The following PCNA variants were observed in gnomAD, a reference collection of about 807,000 sequenced individuals.
PCNA encodes proliferating cell nuclear antigen.
Under a neutral mutation model 27.8 loss-of-function variants are expected in PCNA, and 4 were observed. That is an observed-to-expected ratio of 0.14 (90% CI 0.07 to 0.33). The LOEUF (loss-of-function observed/expected upper bound fraction) is 0.33. Among genes scored for constraint, PCNA ranks in the 10% least tolerant of loss-of-function variants. PCNA has a pLI of 1.00. For synonymous variants in PCNA, 121 were observed against 119.4 expected, an observed-to-expected ratio of 1.01 and a Z score of -0.09; for missense variants, 165 against 327.4, an observed-to-expected ratio of 0.50 and a Z score of 3.83.
At position 5,119,788 on chromosome 20, in the gene PCNA, G is replaced by T; in HGVS notation, c.11C>A (p.Ala4Glu). 6.4e-7 allele frequency: 1 copy of T among 1,567,744 alleles called. No homozygotes were observed. The highest frequency in any genetic ancestry group is 2.3e-5 in the East Asian group (1 of 42,602). MFE[A>E]RLVQGSILKK... ...GAGGATGGAGCCCTGGACCAGGCGC[G>T]CCTCGAACATGGTGGCGGAGTGGCA... is the stretch of plus-strand genomic sequence containing the variant. Residue 4 changes from alanine (A) to glutamate (E), a missense_variant, in exon 1 of 6, where the codon GCG becomes GAG. Coordinates refer to ENST00000379143, the MANE Select transcript of PCNA (RefSeq NM_182649.2).
rs1254543206 is a variant in PCNA at position 5,115,574 on chromosome 20, TACAAA to T, written c.583-7_583-3del. 1.9e-6 allele frequency: 3 copies of T among 1,610,910 alleles called. No homozygotes were observed. The highest frequency in any genetic ancestry group is 2.7e-5 in the African/African-American group (2 of 74,886). On this transcript the variant is annotated splice_polypyrimidine_tract_variant and splice_region_variant and intron_variant, in intron 4 of 5. Transcript: ENST00000379143. ...TGGTTCATTCATCTCTATGGTAACC[TACAAA>T]ACAAAAGATTCATCATTGAAAAACA...
intron 3 of PCNA, among the ~76,000 whole-genome samples, chr20:5,118,242 T>C (rs985399652): frequency 8.5e-5 from 13 of 152,216 alleles, no homozygotes; most frequent in African/African-American, 3.1e-4. Context: ...CCAGTAGATA[T>C]ATTTCTAGAA....
chr20:5,122,059 G>A (rs898310644), upstream of PCNA, among the ~76,000 whole-genome samples: 1 of 148,256 alleles, frequency 6.7e-6, no homozygotes, highest in East Asian at 2.0e-4. Flanking sequence ...TTGGCTAACC[G>A]CAATCTCCGC....
intron 1 of PCNA, among the ~76,000 whole-genome samples, chr20:5,125,535 G>A (rs763767751): frequency 2.1e-4 from 32 of 152,038 alleles, no homozygotes; most frequent in Non-Finnish European, 3.4e-4. Context: ...TTTAAAAAAC[G>A]AAATTGCAAT....
chr20:5,122,274 G>A (rs1427235349), upstream of PCNA, among the ~76,000 whole-genome samples: 2 of 152,122 alleles, frequency 1.3e-5, no homozygotes, highest in Admixed American at 6.5e-5. Flanking sequence ...GAGCCACCGC[G>A]CCCGGGTCTA....
intron 2 of PCNA, 38 bp from the exon 3 acceptor site, chr20:5,118,715 C>G: frequency 6.2e-7 from 1 of 1,607,900 alleles, no homozygotes. Context: ...GAAATACTGA[C>G]ACAGAGTTTT....
At chr20:5,122,808 T>C (rs900624433), upstream of PCNA, among the ~76,000 whole-genome samples, 2 of 152,260 alleles carry the variant, frequency 1.3e-5, no homozygotes, top group Non-Finnish European at 1.5e-5. Context: ...CCAAATTACA[T>C]GTAATAGATT....
At chr20:5,116,677 G>A (rs3730433) in intron 4 of PCNA, among the ~76,000 whole-genome samples, 10,036 of 152,148 alleles carry the variant, frequency 0.066, 445 homozygotes, top group South Asian at 0.14. Flanking sequence ...GTTTAAGATG[G>A]AATCTTGCTC....
rs570933681 is a variant in PCNA, at chr20:5,118,727, A to AT, written c.319+41dup. 4.8e-5 allele frequency: 77 copies of AT among 1,608,458 alleles called. 1 individual carries two copies. The East Asian group carries it at 1.5e-3, about 32-fold the overall frequency. ...TGAGAAATACTGACACAGAGTTTTG[A>AT]TTTTCTGTAGCTTCGTGACTCGGTA... On this transcript the variant is annotated intron_variant, in intron 2 of 5. Transcript: ENST00000379143.
upstream of PCNA, chr20:5,121,675 CTGGAGTGCAG>C (rs2090519077): frequency 6.6e-6 from 1 of 152,094 alleles, no homozygotes; most frequent in Non-Finnish European, 1.5e-5. Context: ...GACACCCAGG[CTGGAGTGCAG>C]TGGCAAGATG....
chr20:5,121,477 G>C (rs1162362296), upstream of PCNA: 1 of 156,144 alleles, frequency 6.4e-6, no homozygotes, highest in Non-Finnish European at 1.4e-5. Context: ...GGATTTTGTG[G>C]AGACTTAACT....
chr20:5,119,937 G>C lies in PCNA; in HGVS notation c.-139C>G, dbSNP rs11543929. The C allele has an allele frequency of 6.0e-6, 4 of 668,402 alleles. No homozygotes were observed. Among genetic ancestry groups the C allele is most frequent in the Admixed American group, 2.5e-5 (1 of 39,272 alleles). 41.4% of individuals were successfully genotyped at this position (668,402 alleles called of 1,614,324 possible). A position where few individuals can be genotyped will look rare whatever the true frequency, so the allele number is the denominator to read the frequency against. On this transcript the variant is annotated 5_prime_UTR_variant, in exon 1 of 6. Transcript: ENST00000379143. ...GACCTAGAAAGACAACGACCACTCT[G>C]CTACGCCTGCAACCGTTTAATGCCG... is the stretch of plus-strand genomic sequence containing the variant.
At chr20:5,120,614 A>C (rs1019955164), upstream of PCNA, among the ~76,000 whole-genome samples, 3 of 152,136 alleles carry the variant, frequency 2.0e-5, no homozygotes, top group South Asian at 6.2e-4. Flanking sequence ...AGTACATTTA[A>C]TTTTATGCCA....
At chr20:5,120,170 C>G (rs2090509091), upstream of PCNA, 1 of 253,676 alleles carries the variant, frequency 3.9e-6, no homozygotes, top group African/African-American at 2.3e-5. Flanking sequence ...CTGAACCCGG[C>G]CGCAGAACAA....
upstream of PCNA, among the ~76,000 whole-genome samples, chr20:5,122,058 C>T (rs1283527250): frequency 2.0e-5 from 3 of 151,546 alleles, no homozygotes; most frequent in African/African-American, 4.9e-5. Flanking sequence ...CTTGGCTAAC[C>T]GCAATCTCCG....
intron 3 of PCNA, among the ~76,000 whole-genome samples, chr20:5,118,347 T>C (rs3730423): frequency 0.061 from 9,204 of 152,082 alleles, 901 homozygotes; most frequent in African/African-American, 0.21. Context: ...TGGGCAAGAC[T>C]GCCCCCACGC....
In PCNA at chr20:5,117,590, A is replaced by G; in HGVS notation, c.462T>C (p.Ile154=). The G allele has an allele frequency of 6.2e-7, 1 of 1,613,976 alleles. No homozygotes were observed. Among genetic ancestry groups the G allele is most frequent in the Non-Finnish European group, 8.5e-7 (1 of 1,179,850 alleles). ...CACAGGAAATTACAACAGCATCTCCAATATGGCTGAGATCTCGGCATATAC... is the reference window on the plus strand; with the variant it reads ...CACAGGAAATTACAACAGCATCTCCGATATGGCTGAGATCTCGGCATATAC... The part of the protein sequence containing the change: ...FARICRDLSH[I]GDAVVISCAK... The change falls in exon 4 of 6, where the codon ATT becomes ATC. Residue 154 remains isoleucine (I), a synonymous_variant. Transcript: ENST00000379143.
upstream of PCNA, among the ~76,000 whole-genome samples, chr20:5,121,120 G>C (rs183050852): frequency 3.7e-4 from 56 of 152,306 alleles, no homozygotes; most frequent in East Asian, 4.2e-3. Flanking sequence ...ACCACGCCCA[G>C]CCAGAAATTT....
chr20:5,116,388 C>A (rs571204618), intron 4 of PCNA, among the ~76,000 whole-genome samples: 1 of 152,126 alleles, frequency 6.6e-6, no homozygotes, highest in Admixed American at 6.6e-5. Context: ...AAATGTGATT[C>A]AGGAAACAGA....
Sources: allele counts gnomAD v4.1 joint callset (sites outside exome capture counted in the v4.1 genomes callset), GRCh38; gene constraint gnomAD v4.1.1; transcripts MANE v1.5; gene names NCBI Gene and HGNC (gene_info 2026-07-23, HGNC 2026-07-21).